The following ETNK1 variants were observed in gnomAD, a reference collection of about 807,000 sequenced individuals.
ETNK1 encodes the protein putative protein product of Nbla10396.
ETNK1 carries 8 observed loss-of-function variants against 45.1 expected under a neutral mutation model. That is an observed-to-expected ratio of 0.18 (90% CI 0.10 to 0.32). ETNK1 has a LOEUF of 0.32. Ranked by LOEUF, ETNK1 falls within the 10% of genes least tolerant of loss-of-function variation. The pLI is 1.00. For missense variants in ETNK1, 302 were observed against 430.6 expected (o/e 0.70, Z 2.64); for synonymous variants, 152 against 151.9 (o/e 1.00, Z -0.01).
intron 6 of ETNK1, among the ~76,000 whole-genome samples, chr12:22,680,678 C>G (rs1954205429): frequency 6.6e-6 from 1 of 152,112 alleles, no homozygotes; most frequent in African/African-American, 2.4e-5. Context: ...AAAAGAAAAG[C>G]AGGTCTGAAT....
intron 2 of ETNK1, among the ~76,000 whole-genome samples, chr12:22,657,224 A>G (rs1328388117): frequency 1.3e-5 from 2 of 152,186 alleles, no homozygotes; most frequent in African/African-American, 4.8e-5. Context: ...ATTCAAAATG[A>G]TTTAGTTTAT....
intron 7 of ETNK1, 127 bp from the exon 8 acceptor site, chr12:22,684,755 A>G: frequency 1.2e-6 from 1 of 818,390 alleles, no homozygotes; most frequent in South Asian, 1.9e-5. Flanking sequence ...GGTGCAATAA[A>G]CTAAAAATAT....
At chr12:22,637,215 A>T (rs1348862522) in intron 1 of ETNK1, among the ~76,000 whole-genome samples, 1 of 152,234 alleles carries the variant, frequency 6.6e-6, no homozygotes, top group Non-Finnish European at 1.5e-5. Flanking sequence ...AAGCCGGGGC[A>T]GTCATAGAGT....
chr12:22,670,051 A>G (rs974156085), intron 4 of ETNK1, among the ~76,000 whole-genome samples: 6 of 152,288 alleles, frequency 3.9e-5, no homozygotes, highest in Middle Eastern at 3.4e-3. Flanking sequence ...ACTATTTGCC[A>G]TGACATTTTT....
At chr12:22,680,508 G>A (rs530779600) in intron 6 of ETNK1, among the ~76,000 whole-genome samples, 103 of 152,116 alleles carry the variant, frequency 6.8e-4, no homozygotes, top group Non-Finnish European at 1.4e-3. Flanking sequence ...CATTTTGTGC[G>A]GGCATACTCC....
At chr12:22,638,219 C>CT in intron 1 of ETNK1, among the ~76,000 whole-genome samples, 1 of 151,252 alleles carries the variant, frequency 6.6e-6, no homozygotes, top group African/African-American at 2.4e-5. Context: ...GACCTTTTAA[C>CT]TTTTTTCCCC....
At chr12:22,625,651 C>A in intron 1 of ETNK1, 65 bp downstream of exon 1, 2 of 1,514,622 alleles carry the variant, frequency 1.3e-6, no homozygotes, top group Non-Finnish European at 1.8e-6. Flanking sequence ...GTCCTCACCA[C>A]AATCGCCTCT....
rs1954242229 is a variant in ETNK1 at position 22,684,542 on chromosome 12, G to A, written c.1005G>A (p.Glu335=). 6.2e-7 allele frequency: 1 copy of A among 1,606,596 alleles called. No homozygotes were observed. ...TTCAAGCCAAATACTCCACTATTGA[G>A]TTTGATTTCCTTGGGTAAGTTAAAT... is the stretch of plus-strand genomic sequence containing the variant. The part of the protein sequence containing the change: ...ALIQAKYSTI[E]FDFLGYAIVR... The change falls in exon 7 of 8, where the codon GAG becomes GAA. Residue 335 remains glutamate (E), a synonymous_variant. Transcript: ENST00000266517.
intron 2 of ETNK1, among the ~76,000 whole-genome samples, chr12:22,646,240 A>G (rs1216584696): frequency 6.6e-6 from 1 of 151,886 alleles, no homozygotes; most frequent in African/African-American, 2.4e-5. Context: ...AAAATATGAA[A>G]AGAAAAGCTA....
At chr12:22,657,055 T>A (rs1043478512) in intron 2 of ETNK1, among the ~76,000 whole-genome samples, 3 of 152,098 alleles carry the variant, frequency 2.0e-5, no homozygotes, top group Non-Finnish European at 4.4e-5. Context: ...TTTCCTTTGT[T>A]TTGATTTTAT....
rs541295954 is a variant in ETNK1 at position 22,685,064 on chromosome 12, T to G, written c.*110T>G. On this transcript the variant is annotated 3_prime_UTR_variant, in exon 8 of 8. Coordinates refer to ENST00000266517, the MANE Select transcript of ETNK1 (RefSeq NM_018638.5). ...AATTCTGTTGTTTAATTTGGTTATCTTGCTTTATAAATTATGCCTCTAAAC... is the reference window on the plus strand; with the variant it reads ...AATTCTGTTGTTTAATTTGGTTATCGTGCTTTATAAATTATGCCTCTAAAC... 4.1e-6 allele frequency: 3 copies of G among 735,958 alleles called. No individual in the cohort carries two copies. The East Asian group carries it at 8.3e-5, about 20-fold the overall frequency. 45.6% of individuals were successfully genotyped at this position (735,958 alleles called of 1,614,324 possible).
At chr12:22,628,515 T>C (rs1257984132) in intron 1 of ETNK1, among the ~76,000 whole-genome samples, 1 of 152,132 alleles carries the variant, frequency 6.6e-6, no homozygotes, top group Non-Finnish European at 1.5e-5. Flanking sequence ...TTAACTTATT[T>C]GAAGATTTTG....
intron 6 of ETNK1, among the ~76,000 whole-genome samples, chr12:22,679,582 T>G (rs1954193686): frequency 6.6e-6 from 1 of 152,152 alleles, no homozygotes; most frequent in East Asian, 1.9e-4. Flanking sequence ...AGTTGACACC[T>G]AACATTAACC....
chr12:22,665,562 A>G (rs1239859876), intron 4 of ETNK1, among the ~76,000 whole-genome samples: 3 of 152,086 alleles, frequency 2.0e-5, no homozygotes, highest in Non-Finnish European at 2.9e-5. Flanking sequence ...ATGTAGTACA[A>G]CTTTTAGGCA....
At chr12:22,666,128 C>T (rs1301692094) in intron 4 of ETNK1, among the ~76,000 whole-genome samples, 2 of 152,128 alleles carry the variant, frequency 1.3e-5, no homozygotes, top group Admixed American at 1.3e-4. Flanking sequence ...GTTGACAGGA[C>T]TCAGGACATG....
chr12:22,637,551 G>T (rs1375049070), intron 1 of ETNK1, among the ~76,000 whole-genome samples: 1 of 152,186 alleles, frequency 6.6e-6, no homozygotes. Context: ...ATGTGCCTTT[G>T]TATGTGTTGG....
chr12:22,655,503 CT>C (rs1254763333), intron 2 of ETNK1, among the ~76,000 whole-genome samples: 1 of 150,180 alleles, frequency 6.7e-6, no homozygotes, highest in East Asian at 2.0e-4. Flanking sequence ...CACCAGGCTA[CT>C]TTTTGTACTT....
In ETNK1 at chr12:22,661,084, C is replaced by T; in HGVS notation, c.579C>T (p.Ser193=). 1 of 1,610,664 alleles carries T rather than the reference C, an allele frequency of 6.2e-7. No individual in the cohort carries two copies. Among genetic ancestry groups the T allele is most frequent in the Non-Finnish European group, 8.5e-7 (1 of 1,179,028 alleles). Residue 193 remains serine (S), a synonymous_variant, in exon 4 of 8, where the codon AGC becomes AGT. Coordinates refer to ENST00000266517, the MANE Select transcript of ETNK1 (RefSeq NM_018638.5). The part of the protein sequence containing the change: ...INKRFLSDIP[S]SQILQEEMTW... The stretch of plus-strand genomic sequence containing the variant: ...AAAGGTTCCTAAGTGATATCCCAAG[C>T]TCTCAGATTCTCCAGGAAGAGATGA...
intron 4 of ETNK1, among the ~76,000 whole-genome samples, chr12:22,667,311 G>A (rs1003911950): frequency 3.3e-5 from 5 of 152,004 alleles, no homozygotes; most frequent in African/African-American, 9.7e-5. Flanking sequence ...CCCAGCAAAC[G>A]TGTTATTGTG....
Sources: gnomAD v4.1 joint callset for allele counts (sites outside exome capture counted in the v4.1 genomes callset) on GRCh38, gnomAD v4.1.1 for gene constraint, MANE v1.5 for transcripts, NCBI Gene and HGNC (gene_info 2026-07-23, HGNC 2026-07-21) for gene names.